Variants in KCNT1 observed in about 807,000 individuals in gnomAD.
KCNT1 encodes potassium sodium-activated channel subfamily T member 1.
Under a neutral mutation model 147.8 loss-of-function variants are expected in KCNT1, and 78 were observed. The observed-to-expected ratio is 0.53, with a 90% confidence interval of 0.44 to 0.64. The LOEUF (loss-of-function observed/expected upper bound fraction) is 0.64, where lower values mean the gene tolerates loss of function less well. KCNT1 is among the 30% of genes least tolerant of loss of function. The pLI is 0.00. For missense variants in KCNT1, 1,419 were observed against 1,750.3 expected (o/e 0.81, Z 3.38); for synonymous variants, 867 against 748.8 (o/e 1.16, Z -2.58).
chr9:135,765,218 A>G (rs979771968), intron 12 of KCNT1, 23 bp downstream of exon 12: 16 of 1,598,066 alleles, frequency 1.0e-5, no homozygotes, highest in Non-Finnish European at 1.3e-5. Context: ...ACCGTGGCCC[A>G]GCAGACGACT....
intron 19 of KCNT1, among the ~76,000 whole-genome samples, chr9:135,774,198 G>T (rs1183020007): frequency 6.7e-6 from 1 of 150,164 alleles, no homozygotes; most frequent in African/African-American, 2.5e-5. Flanking sequence ...TGTCTGAGTG[G>T]TATTGTGTGT....
chr9:135,775,521 C>T (rs1046331291), intron 20 of KCNT1, 106 bp downstream of exon 20: 6 of 788,710 alleles, frequency 7.6e-6, no homozygotes, highest in Middle Eastern at 2.3e-4. Flanking sequence ...GATACCATTG[C>T]AAACTTCTAG....
intron 24 of KCNT1, among the ~76,000 whole-genome samples, chr9:135,780,295 G>A (rs1833515274): frequency 6.6e-6 from 1 of 152,202 alleles, no homozygotes; most frequent in African/African-American, 2.4e-5. Context: ...TCACCGGTCT[G>A]GGCTGAAGTC....
At position 135,719,065 on chromosome 9, in the gene KCNT1, A is replaced by G. The variant is rs112742216; in HGVS notation, c.254+4345A>G. Among the ~76,000 whole-genome samples, 447 of 152,244 alleles carry G rather than the reference A, an allele frequency of 2.9e-3. 3 individuals carry two copies. Among genetic ancestry groups the G allele is most frequent in the Non-Finnish European group, 5.7e-3 (388 of 67,992 alleles). On this transcript the variant is annotated intron_variant, in intron 2 of 30. Transcript: ENST00000371757. ...ATGGAGCAGCATTCAGCCACAGTCCACCTGCGCCCAGGCTCTGGAGCCCCT... is the reference window on the plus strand; with the variant it reads ...ATGGAGCAGCATTCAGCCACAGTCCGCCTGCGCCCAGGCTCTGGAGCCCCT...
intron 2 of KCNT1, among the ~76,000 whole-genome samples, chr9:135,737,187 C>T (rs1328669801): frequency 6.6e-6 from 1 of 152,238 alleles, no homozygotes; most frequent in Admixed American, 6.5e-5. Context: ...GAGGCCGAAG[C>T]CTGCACAGCA....
chr9:135,760,572 A>T (rs1384205246), intron 11 of KCNT1, among the ~76,000 whole-genome samples: 2 of 152,146 alleles, frequency 1.3e-5, no homozygotes, highest in African/African-American at 4.8e-5. Context: ...TGGCTGCAGG[A>T]TGCCGGGGAG....
At position 135,780,517 on chromosome 9, in the gene KCNT1, G is replaced by A. The variant is rs76294395; in HGVS notation, c.2841+1047G>A. 6.7e-3 allele frequency among the ~76,000 whole-genome samples: 1,027 copies of A among 152,366 alleles called. 5 individuals are homozygous for A. The highest frequency in any genetic ancestry group is 0.01 in the Non-Finnish European group (706 of 68,038). Reference sequence around the variant, plus strand: ...GGACCAAGAGCCCATAGGGATCCTGGAGTCAGTTCTGCCCCAGAGAAGCGA... The same window carrying A: ...GGACCAAGAGCCCATAGGGATCCTGAAGTCAGTTCTGCCCCAGAGAAGCGA... On this transcript the variant is annotated intron_variant, in intron 24 of 30. Transcript: ENST00000371757.
At chr9:135,772,073 G>A (rs965628763) in intron 18 of KCNT1, among the ~76,000 whole-genome samples, 5 of 152,220 alleles carry the variant, frequency 3.3e-5, no homozygotes, top group East Asian at 3.9e-4. Flanking sequence ...CCCGGCCGCC[G>A]TCTACGGCAG....
chr9:135,767,698 T>C (rs1832382933), intron 13 of KCNT1, among the ~76,000 whole-genome samples: 1 of 152,068 alleles, frequency 6.6e-6, no homozygotes, highest in Non-Finnish European at 1.5e-5. Flanking sequence ...CTGCCAACCC[T>C]GGACCCCTAG....
intron 11 of KCNT1, among the ~76,000 whole-genome samples, chr9:135,760,365 C>T (rs1831834797): frequency 1.3e-5 from 2 of 152,196 alleles, no homozygotes; most frequent in South Asian, 4.1e-4. Context: ...GCAGCTGCCT[C>T]AGGGTGTGAA....
chr9:135,735,786 G>A (rs530617348), intron 2 of KCNT1, among the ~76,000 whole-genome samples: 131 of 152,288 alleles, frequency 8.6e-4, no homozygotes, highest in Non-Finnish European at 1.4e-3. Context: ...TCTGCCACCC[G>A]GCACTGCTGA....
chr9:135,744,173 A>G lies in KCNT1; in HGVS notation c.255-5925A>G, dbSNP rs72770358. On this transcript the variant is annotated intron_variant, in intron 2 of 30. Transcript: ENST00000371757. The stretch of plus-strand genomic sequence containing the variant: ...TGGAGCTGGTGTGGAGCTTCCCGGC[A>G]TGGCCATCTGTGTATGACTACCTGC... Among the ~76,000 whole-genome samples the G allele has an allele frequency of 5.6e-3, 860 of 152,340 alleles. 6 individuals carry two copies. The highest frequency in any genetic ancestry group is 8.9e-3 in the Non-Finnish European group (608 of 68,024).
At chr9:135,776,959 A>G (rs1833213765) in intron 20 of KCNT1, among the ~76,000 whole-genome samples, 1 of 152,268 alleles carries the variant, frequency 6.6e-6, no homozygotes, top group African/African-American at 2.4e-5. Flanking sequence ...GAAAATGATG[A>G]TTGGAAACCA....
chr9:135,759,913 G>A (rs1006695419), intron 11 of KCNT1, 54 bp downstream of exon 11: 63 of 1,498,776 alleles, frequency 4.2e-5, no homozygotes, highest in Non-Finnish European at 5.1e-5. Context: ...ACAGGCGGGT[G>A]CCAGTAGAGG....
At chr9:135,708,018 G>C (rs1041927900) in intron 1 of KCNT1, among the ~76,000 whole-genome samples, 3 of 152,202 alleles carry the variant, frequency 2.0e-5, no homozygotes, top group African/African-American at 7.2e-5. Context: ...GAGCAGCTCT[G>C]ACTTTTTAAT....
intron 28 of KCNT1, 78 bp from the exon 29 acceptor site, chr9:135,786,119 C>T: frequency 1.5e-6 from 2 of 1,356,514 alleles, no homozygotes; most frequent in Non-Finnish European, 2.0e-6. Context: ...ACACCTCTTC[C>T]TAAGCCCCTG....
chr9:135,757,743 G>T (rs954738716), intron 9 of KCNT1, among the ~76,000 whole-genome samples: 1 of 152,124 alleles, frequency 6.6e-6, no homozygotes, highest in Non-Finnish European at 1.5e-5. Flanking sequence ...GGCAGGCCCT[G>T]TGCTGAGCAT....
chr9:135,784,484 T>TCC, intron 25 of KCNT1, 51 bp from the exon 26 acceptor site: 1 of 57,650 alleles, frequency 1.7e-5, no homozygotes, highest in Non-Finnish European at 3.0e-5. Context: ...TCACTGTGGC[T>TCC]CCCTCCCTCC....
chr9:135,756,947 G>C lies in KCNT1; in HGVS notation c.600+15G>C, dbSNP rs753154228. 2 of 1,610,780 alleles carry C rather than the reference G, an allele frequency of 1.2e-6. No individual in the cohort carries two copies. The highest frequency in any genetic ancestry group is 2.2e-5 in the East Asian group (1 of 44,734). ...TCAGCTACAAAGTGAGTGCCTGCCCGGGATGGCACCTCACAGGGGGTCCCC... is the reference window on the plus strand; with the variant it reads ...TCAGCTACAAAGTGAGTGCCTGCCCCGGATGGCACCTCACAGGGGGTCCCC... On this transcript the variant is annotated intron_variant, in intron 7 of 30. Coordinates refer to ENST00000371757, the MANE Select transcript of KCNT1 (RefSeq NM_020822.3).
Sources: allele counts gnomAD v4.1 joint callset (sites outside exome capture counted in the v4.1 genomes callset), GRCh38; gene constraint gnomAD v4.1.1; transcripts MANE v1.5; gene names NCBI Gene and HGNC (gene_info 2026-07-23, HGNC 2026-07-21).